Variants in TENM1 observed in about 807,000 individuals in gnomAD.
TENM1 encodes the protein teneurin-1.
TENM1 carries 35 observed loss-of-function variants against 174.8 expected under a neutral mutation model. The observed-to-expected ratio is 0.20, with a 90% CI of 0.15 to 0.27. The LOEUF is 0.27. Ranked by LOEUF, TENM1 falls within the 10% of genes least tolerant of loss-of-function variation. TENM1 has a pLI of 1.00. For synonymous variants in TENM1, 781 were observed against 798.7 expected (o/e 0.98, Z 0.37); for missense variants, 1,633 against 2,130.1 (o/e 0.77, Z 4.59).
At chrX:124,821,385 CA>C (rs942011864) in intron 3 of TENM1, among the ~76,000 whole-genome samples, 13 of 111,792 alleles carry the variant, frequency 1.2e-4, no homozygotes, top group Non-Finnish European at 1.5e-4. Flanking sequence ...GATGATATGG[CA>C]CTTCAGATTA....
chrX:124,408,154 A>AT (rs1291826397), intron 25 of TENM1, among the ~76,000 whole-genome samples: 1 of 109,320 alleles, frequency 9.1e-6, no homozygotes, highest in African/African-American at 3.4e-5. Flanking sequence ...AAATTAATTA[A>AT]TTTTTTTGAG....
intron 1 of TENM1, among the ~76,000 whole-genome samples, chrX:124,903,973 CTT>C (rs2057704687): frequency 9.0e-6 from 1 of 111,239 alleles, no homozygotes; most frequent in African/African-American, 3.3e-5. Flanking sequence ...AACCTGAATC[CTT>C]GTTGCCCATT....
At chrX:124,620,482 C>G (rs1318757260) in intron 11 of TENM1, among the ~76,000 whole-genome samples, 1 of 112,091 alleles carries the variant, frequency 8.9e-6, no homozygotes, top group Non-Finnish European at 1.9e-5. Context: ...TTTTAGCATA[C>G]TTTTAGACTT....
intron 1 of TENM1, among the ~76,000 whole-genome samples, chrX:124,911,822 GA>G (rs2057841633): frequency 9.0e-6 from 1 of 111,522 alleles, no homozygotes; most frequent in South Asian, 3.8e-4. Context: ...TAGGGCTCCA[GA>G]ATCATTAATC....
intron 5 of TENM1, among the ~76,000 whole-genome samples, chrX:124,686,449 A>G (rs912363834): frequency 1.5e-4 from 17 of 112,300 alleles, no homozygotes; most frequent in Non-Finnish European, 3.2e-4. Context: ...TGATTCAGCC[A>G]TTCGACAATA....
chrX:124,438,961 T>G (rs915073938), intron 23 of TENM1, among the ~76,000 whole-genome samples: 2 of 112,096 alleles, frequency 1.8e-5, no homozygotes, highest in African/African-American at 3.3e-5. Context: ...TTTATCATTT[T>G]GTTAAATTTG....
At chrX:124,976,915 A>G in the TENM1 span, among the ~76,000 whole-genome samples, 1 of 112,225 alleles carries the variant, frequency 8.9e-6, no homozygotes, top group Admixed American at 9.5e-5. Context: ...GGAAGAACAT[A>G]GCACAAATAG....
the TENM1 span, among the ~76,000 whole-genome samples, chrX:125,005,203 C>A: frequency 9.8e-6 from 1 of 101,903 alleles, no homozygotes; most frequent in Admixed American, 1.0e-4. Flanking sequence ...CACACACACA[C>A]ACACACACAC....
chrX:125,042,635 A>C, the TENM1 span, among the ~76,000 whole-genome samples: 1 of 111,686 alleles, frequency 9.0e-6, no homozygotes, highest in Non-Finnish European at 1.9e-5. Context: ...CTATAGAAGG[A>C]ATTTCAGCCA....
chrX:125,188,246 T>C, the TENM1 span, among the ~76,000 whole-genome samples: 6,027 of 109,841 alleles, frequency 0.055, 432 homozygotes, highest in African/African-American at 0.19. Flanking sequence ...GGTGGGAGGG[T>C]CATTTGAGCC....
chrX:124,956,304 TA>T (rs963034497), intron 1 of TENM1, among the ~76,000 whole-genome samples: 10 of 112,438 alleles, frequency 8.9e-5, no homozygotes, highest in Admixed American at 2.8e-4. Flanking sequence ...TACTCACCTA[TA>T]AACTTCATAG....
At chrX:124,926,121 A>G (rs2058088511) in intron 1 of TENM1, among the ~76,000 whole-genome samples, 1 of 112,695 alleles carries the variant, frequency 8.9e-6, no homozygotes, top group Admixed American at 9.4e-5. Flanking sequence ...ATGAAGCCCA[A>G]CAGAAAGGAA....
At chrX:124,867,572 C>G (rs1180374291) in intron 3 of TENM1, among the ~76,000 whole-genome samples, 5 of 111,970 alleles carry the variant, frequency 4.5e-5, no homozygotes, top group African/African-American at 1.6e-4. Flanking sequence ...CCTTTAAGAC[C>G]TGGAACGTGA....
chrX:124,998,771 A>C, the TENM1 span, among the ~76,000 whole-genome samples: 1 of 111,712 alleles, frequency 9.0e-6, no homozygotes, highest in African/African-American at 3.2e-5. Context: ...TGAACATAGT[A>C]ATCATAGATT....
chrX:124,710,350 A>ACTT (rs747999257), intron 4 of TENM1, among the ~76,000 whole-genome samples: 1 of 112,126 alleles, frequency 8.9e-6, no homozygotes, highest in East Asian at 2.8e-4. Flanking sequence ...AGGTTCCTTT[A>ACTT]CTTAATGTTT....
chrX:125,056,017 A>G, the TENM1 span, among the ~76,000 whole-genome samples: 1 of 111,495 alleles, frequency 9.0e-6, no homozygotes, highest in Non-Finnish European at 1.9e-5. Context: ...ACAGTACCAT[A>G]AATCTTCTTT....
In TENM1 at chrX:124,603,408, A is replaced by G. The variant is rs182953597; in HGVS notation, c.2078-37848T>C. ...ACATTTATCGGGAATTTTAGATACTAAGCACTGTGCTGAATGATGCAAATG... is the reference window on the plus strand; with the variant it reads ...ACATTTATCGGGAATTTTAGATACTGAGCACTGTGCTGAATGATGCAAATG... On this transcript the variant is annotated intron_variant, in intron 11 of 31. Coordinates refer to ENST00000422452, the Ensembl canonical transcript of TENM1. Among the ~76,000 whole-genome samples the G allele has an allele frequency of 1.1e-3, 127 of 111,867 alleles. 1 individual carries two copies. In the Admixed American group the frequency reaches 0.012, roughly 10 times the overall value.
intron 3 of TENM1, among the ~76,000 whole-genome samples, chrX:124,867,401 C>T (rs995359454): frequency 8.9e-6 from 1 of 111,973 alleles, no homozygotes; most frequent in African/African-American, 3.2e-5. Context: ...GTGATCATTT[C>T]AATTGATGCT....
chrX:125,135,372 T>C, the TENM1 span, among the ~76,000 whole-genome samples: 5 of 111,944 alleles, frequency 4.5e-5, no homozygotes, highest in East Asian at 1.4e-3. Context: ...CAGCAATGAT[T>C]GAAAGAAATT....
Sources: gnomAD v4.1 joint callset for allele counts (sites outside exome capture counted in the v4.1 genomes callset) on GRCh38, gnomAD v4.1.1 for gene constraint, MANE v1.5 for transcripts, NCBI Gene and HGNC (gene_info 2026-07-23, HGNC 2026-07-21) for gene names.